Variants in VPS13A observed in about 807,000 individuals in gnomAD.
VPS13A encodes the protein vacuolar protein sorting 13 homolog A.
VPS13A carries 264 observed loss-of-function variants against 390.9 expected under a neutral mutation model. The ratio of observed to expected loss-of-function variants is 0.68; its 90% CI spans 0.61 to 0.75. The LOEUF is 0.75. Ranked by LOEUF, VPS13A falls within the 30% of genes least tolerant of loss-of-function variation. VPS13A has a pLI of 0.00. For synonymous variants in VPS13A, 1,231 were observed against 1,227.1 expected, an observed-to-expected ratio of 1.00 and a Z score of -0.07; for missense variants, 3,409 against 3,733.9, an observed-to-expected ratio of 0.91 and a Z score of 2.27.
chr9:77,313,543 A>G (rs1007762889), intron 35 of VPS13A, among the ~76,000 whole-genome samples: 1 of 152,192 alleles, frequency 6.6e-6, no homozygotes, highest in African/African-American at 2.4e-5. Context: ...TTGATTCAAA[A>G]TTCAAATGTA....
chr9:77,249,855 C>T (rs1012196754), intron 20 of VPS13A, among the ~76,000 whole-genome samples: 8 of 152,060 alleles, frequency 5.3e-5, no homozygotes, highest in Non-Finnish European at 1.0e-4. Context: ...TCTTCAGGAC[C>T]ATCTTGGTTT....
intron 23 of VPS13A, among the ~76,000 whole-genome samples, chr9:77,266,008 T>C (rs776610248): frequency 1.4e-4 from 21 of 152,236 alleles, no homozygotes; most frequent in Admixed American, 2.0e-4. Context: ...TTTGTTCTCA[T>C]TGGTTTCAAA....
chr9:77,207,244 TATATATA>T, intron 5 of VPS13A, among the ~76,000 whole-genome samples: 1 of 118,442 alleles, frequency 8.4e-6, no homozygotes, highest in Middle Eastern at 3.9e-3. Context: ...TATATATATA[TATATATA>T]TAAAACGTGT....
intron 31 of VPS13A, among the ~76,000 whole-genome samples, chr9:77,287,300 C>G (rs1396214234): frequency 6.6e-6 from 1 of 151,620 alleles, no homozygotes; most frequent in Non-Finnish European, 1.5e-5. Flanking sequence ...TTCCCTGGCC[C>G]AGGTGATCCT....
intron 23 of VPS13A, among the ~76,000 whole-genome samples, chr9:77,265,625 T>G (rs1825995865): frequency 2.0e-5 from 3 of 152,356 alleles, no homozygotes; most frequent in Non-Finnish European, 4.4e-5. Flanking sequence ...TTTGTAGTTC[T>G]GTGGAATCAG....
intron 23 of VPS13A, among the ~76,000 whole-genome samples, chr9:77,263,818 C>T (rs1587449013): frequency 6.6e-6 from 1 of 152,146 alleles, no homozygotes; most frequent in East Asian, 1.9e-4. Flanking sequence ...TTAGTCTTTG[C>T]CCATTCCTGT....
Position 77,415,067 on chromosome 9 carries a change from AAG to A in VPS13A, c.9475-886_9475-885del, listed in dbSNP as rs543478264. On this transcript the variant is annotated intron_variant, in intron 71 of 71. Coordinates refer to ENST00000360280, the MANE Select transcript of VPS13A (RefSeq NM_033305.3). ...ACACAAAAGGAGCAAGTTACAAAGA[AAG>A]AGGAATAAAGTTACCAGTCTTCATA... Among the ~76,000 whole-genome samples, 16 of 152,366 alleles carry A rather than the reference AAG, an allele frequency of 1.1e-4. No individual in the cohort carries two copies. In the South Asian group the frequency reaches 3.1e-3, roughly 30 times the overall value.
chr9:77,345,699 G>A (rs1831110668), intron 52 of VPS13A, among the ~76,000 whole-genome samples: 1 of 152,012 alleles, frequency 6.6e-6, no homozygotes, highest in Non-Finnish European at 1.5e-5. Context: ...AGGCTGTCTT[G>A]AATTTATTTT....
Position 77,351,191 on chromosome 9 carries a change from C to T in VPS13A, c.7290-126C>T, listed in dbSNP as rs111590964. Reference sequence around the variant, plus strand: ...AATTGTATAAGGTAAGAATTTCAGCCTTGTTTTAATCAGAACGATCACAGA... The same window carrying T: ...AATTGTATAAGGTAAGAATTTCAGCTTTGTTTTAATCAGAACGATCACAGA... On this transcript the variant is annotated intron_variant, in intron 52 of 71. Transcript: ENST00000360280. 93 of 1,287,496 alleles carry T rather than the reference C, an allele frequency of 7.2e-5. No homozygotes were observed. The African/African-American group carries it at 9.6e-4, about 13-fold the overall frequency. The allele number at this position is 1,287,496 out of a possible 1,614,324, so 79.8% of individuals were successfully genotyped here.
rs573565611 is a variant in VPS13A, at chr9:77,190,282, T to C, written c.101-9663T>C. ...AGGTATATTCCTTTGATGCTTAGTC[T>C]TTTGAGGGTTTTTAACATGAAGGGA... On this transcript the variant is annotated intron_variant, in intron 1 of 71. Coordinates refer to ENST00000360280, the MANE Select transcript of VPS13A (RefSeq NM_033305.3). Among the ~76,000 whole-genome samples the C allele has an allele frequency of 7.9e-5, 12 of 152,330 alleles. No individual in the cohort carries two copies. In the East Asian group the frequency reaches 2.3e-3, roughly 29 times the overall value.
Position 77,310,332 on chromosome 9 carries a change from G to GA in VPS13A, c.4114+2243dup, listed in dbSNP as rs895668744. ...AGTAAATGAGAATGCTTTAAGGAAA[G>GA]AAAAAAAAAGCCATATGGAAGAATG... is the stretch of plus-strand genomic sequence containing the variant. On this transcript the variant is annotated intron_variant, in intron 35 of 71. Transcript: ENST00000360280. 7.3e-5 allele frequency among the ~76,000 whole-genome samples: 11 copies of GA among 149,950 alleles called. No homozygotes were observed. The South Asian group carries it at 1.3e-3, about 17-fold the overall frequency.
chr9:77,268,416 C>T (rs1424838366), intron 23 of VPS13A, among the ~76,000 whole-genome samples: 1 of 152,140 alleles, frequency 6.6e-6, no homozygotes, highest in East Asian at 1.9e-4. Flanking sequence ...TCCCTGATCC[C>T]TTTGTGCTTC....
intron 23 of VPS13A, among the ~76,000 whole-genome samples, chr9:77,262,575 C>A (rs899302026): frequency 4.6e-5 from 7 of 152,016 alleles, no homozygotes; most frequent in Admixed American, 1.3e-4. Flanking sequence ...TAAAGCTATC[C>A]CTCCCCTAGC....
intron 23 of VPS13A, among the ~76,000 whole-genome samples, chr9:77,267,509 A>G (rs1256129252): frequency 6.6e-6 from 1 of 152,180 alleles, no homozygotes; most frequent in Non-Finnish European, 1.5e-5. Flanking sequence ...GCAGAACAGC[A>G]AAGATTGCTG....
Position 77,321,532 on chromosome 9 carries a change from A to G in VPS13A, c.5616A>G (p.Val1872=), listed in dbSNP as rs575467546. Residue 1872 remains valine, a synonymous_variant, in exon 44 of 72, where the codon GTA becomes GTG. Transcript: ENST00000360280. ...CCACTGGATCTTCAGCTGACTTCGT[A>G]AAGGATCTAGCACCATTTATGATTT... is the stretch of plus-strand genomic sequence containing the variant. ...EAATGSSADF[V]KDLAPFMILN... is the part of the protein sequence containing the mutation. The G allele has an allele frequency of 1.2e-6, 2 of 1,613,538 alleles. No homozygotes were observed. Among genetic ancestry groups the G allele is most frequent in the Admixed American group, 1.7e-5 (1 of 59,934 alleles).
intron 46 of VPS13A, among the ~76,000 whole-genome samples, chr9:77,335,965 A>G (rs1453514188): frequency 6.6e-6 from 1 of 152,224 alleles, no homozygotes; most frequent in Non-Finnish European, 1.5e-5. Context: ...CCAAATGCCC[A>G]TCAATGATAG....
At chr9:77,206,503 A>G (rs560632520) in intron 5 of VPS13A, among the ~76,000 whole-genome samples, 4 of 151,960 alleles carry the variant, frequency 2.6e-5, no homozygotes, top group South Asian at 2.1e-4. Flanking sequence ...ACATATTTCT[A>G]TTTGCCTCTA....
chr9:77,184,526 C>T (rs975360813), intron 1 of VPS13A, among the ~76,000 whole-genome samples: 11 of 152,114 alleles, frequency 7.2e-5, no homozygotes, highest in Admixed American at 4.6e-4. Flanking sequence ...GGCTGAGACA[C>T]GAGAATCGCT....
At chr9:77,404,180 C>T (rs12344542) in intron 69 of VPS13A, among the ~76,000 whole-genome samples, 1 of 151,976 alleles carries the variant, frequency 6.6e-6, no homozygotes, top group Non-Finnish European at 1.5e-5. Flanking sequence ...GATACTGGTC[C>T]CTCTGTTCCC....
Sources: allele counts gnomAD v4.1 joint callset (sites outside exome capture counted in the v4.1 genomes callset), GRCh38; gene constraint gnomAD v4.1.1; transcripts MANE v1.5; gene names NCBI Gene and HGNC (gene_info 2026-07-23, HGNC 2026-07-21).